The following SLC35F1 variants were observed in gnomAD, a reference collection of about 807,000 sequenced individuals.
SLC35F1 encodes solute carrier family 35 member F1.
A neutral mutation model predicts 48.7 loss-of-function variants in SLC35F1; 14 were observed. The ratio of observed to expected loss-of-function variants is 0.29; its 90% confidence interval spans 0.19 to 0.45. The LOEUF (loss-of-function observed/expected upper bound fraction) is 0.45, where lower values mean the gene tolerates loss of function less well. SLC35F1 is among the 20% of genes least tolerant of loss of function. SLC35F1 has a pLI of 1.00. For missense variants in SLC35F1, 404 were observed against 500.0 expected, an observed-to-expected ratio of 0.81 and a Z score of 1.83; for synonymous variants, 190 against 202.2, an observed-to-expected ratio of 0.94 and a Z score of 0.51.
chr6:118,076,570 C>G (rs554676224), intron 1 of SLC35F1, among the ~76,000 whole-genome samples: 2 of 152,234 alleles, frequency 1.3e-5, no homozygotes, highest in South Asian at 2.1e-4. Context: ...TTCAAACAAC[C>G]AGATCCCATG....
rs575339245 is a variant in SLC35F1, at chr6:118,133,336, T to G, written c.174-21109T>G. ...CTATGAAGGAGCAGAAAACTTGCCT[T>G]GACTGAGAAGCTTTTTCAAAATTAA... On this transcript the variant is annotated intron_variant, in intron 1 of 7. Coordinates refer to ENST00000360388, the MANE Select transcript of SLC35F1 (RefSeq NM_001029858.4). 2.0e-5 allele frequency among the ~76,000 whole-genome samples: 3 copies of G among 152,240 alleles called. No individual in the cohort carries two copies. The East Asian group carries it at 5.8e-4, about 29-fold the overall frequency.
intron 1 of SLC35F1, among the ~76,000 whole-genome samples, chr6:117,990,194 G>A (rs1776899258): frequency 6.6e-6 from 1 of 152,134 alleles, no homozygotes. Context: ...TCATTCCAGT[G>A]TACTTCTGAA....
intron 1 of SLC35F1, among the ~76,000 whole-genome samples, chr6:118,100,845 G>C (rs752066963): frequency 6.6e-6 from 1 of 152,100 alleles, no homozygotes; most frequent in Non-Finnish European, 1.5e-5. Flanking sequence ...TCACATGGTT[G>C]GTCTTTCTGT....
intron 1 of SLC35F1, among the ~76,000 whole-genome samples, chr6:118,080,360 T>G (rs776771277): frequency 6.6e-5 from 10 of 152,198 alleles, no homozygotes; most frequent in Non-Finnish European, 1.5e-4. Flanking sequence ...TGGGATCACA[T>G]TTGGCTTGAT....
intron 1 of SLC35F1, among the ~76,000 whole-genome samples, chr6:117,983,444 G>A (rs1162507670): frequency 6.6e-6 from 1 of 152,142 alleles, no homozygotes; most frequent in Non-Finnish European, 1.5e-5. Flanking sequence ...GGGTGTGGTG[G>A]CAGTTGCCTG....
At chr6:117,973,472 G>T (rs1021589799) in intron 1 of SLC35F1, among the ~76,000 whole-genome samples, 1 of 152,108 alleles carries the variant, frequency 6.6e-6, no homozygotes, top group African/African-American at 2.4e-5. Context: ...TTTCCTGAGA[G>T]CTGGTTTGAT....
intron 1 of SLC35F1, among the ~76,000 whole-genome samples, chr6:118,028,257 T>G (rs766836679): frequency 2.6e-5 from 4 of 152,138 alleles, no homozygotes; most frequent in Non-Finnish European, 5.9e-5. Flanking sequence ...CGCTTTCTCC[T>G]GTGTTCTTCT....
intron 2 of SLC35F1, among the ~76,000 whole-genome samples, chr6:118,161,773 G>A (rs1011834060): frequency 7.9e-5 from 12 of 152,156 alleles, no homozygotes; most frequent in African/African-American, 1.7e-4. Context: ...ATGTTGTCTA[G>A]GAAAAGAGAA....
chr6:118,009,417 C>T (rs9387536), intron 1 of SLC35F1, among the ~76,000 whole-genome samples: 55,101 of 152,018 alleles, frequency 0.36, 10,656 homozygotes, highest in South Asian at 0.51. Flanking sequence ...CAGAATGCCA[C>T]CTGGTCCGGC....
intron 3 of SLC35F1, among the ~76,000 whole-genome samples, chr6:118,255,237 G>T (rs1775627221): frequency 6.6e-6 from 1 of 152,154 alleles, no homozygotes; most frequent in Non-Finnish European, 1.5e-5. Context: ...CTTCAAGAAA[G>T]TTACCTACTA....
intron 1 of SLC35F1, among the ~76,000 whole-genome samples, chr6:118,132,873 CT>C (rs1435353743): frequency 6.6e-6 from 1 of 152,194 alleles, no homozygotes; most frequent in Non-Finnish European, 1.5e-5. Flanking sequence ...CGGGGTATAT[CT>C]GCTGTCTCCT....
At chr6:117,933,726 T>G (rs1776130263) in intron 1 of SLC35F1, among the ~76,000 whole-genome samples, 1 of 152,156 alleles carries the variant, frequency 6.6e-6, no homozygotes, top group Non-Finnish European at 1.5e-5. Context: ...AGGCAGCCAT[T>G]GTAGCAGACA....
chr6:117,949,178 T>G (rs1403179755), intron 1 of SLC35F1, among the ~76,000 whole-genome samples: 1 of 152,186 alleles, frequency 6.6e-6, no homozygotes, highest in East Asian at 1.9e-4. Context: ...TCTTATACTC[T>G]GGGATGTTCC....
At chr6:117,980,790 G>T (rs1230705009) in intron 1 of SLC35F1, among the ~76,000 whole-genome samples, 2 of 152,008 alleles carry the variant, frequency 1.3e-5, no homozygotes, top group African/African-American at 4.8e-5. Flanking sequence ...TTCAAAGGAG[G>T]TGACATCTGA....
At chr6:117,930,447 G>A (rs919178155) in intron 1 of SLC35F1, among the ~76,000 whole-genome samples, 3 of 152,074 alleles carry the variant, frequency 2.0e-5, no homozygotes, top group Admixed American at 6.6e-5. Flanking sequence ...CCTGTTTTTA[G>A]GGCTTGAAAG....
intron 1 of SLC35F1, among the ~76,000 whole-genome samples, chr6:117,944,692 C>G (rs1282649161): frequency 1.3e-5 from 2 of 151,612 alleles, no homozygotes; most frequent in Non-Finnish European, 2.9e-5. Context: ...TACTACCATC[C>G]CTATGGATGC....
chr6:118,276,187 T>A (rs1418706327), intron 5 of SLC35F1, among the ~76,000 whole-genome samples: 2 of 152,214 alleles, frequency 1.3e-5, no homozygotes, highest in Non-Finnish European at 2.9e-5. Flanking sequence ...TTTGCAATAA[T>A]TCTACAACTG....
chr6:117,961,758 G>A (rs1235950658), intron 1 of SLC35F1, among the ~76,000 whole-genome samples: 1 of 152,164 alleles, frequency 6.6e-6, no homozygotes. Context: ...TGTGAAAGGA[G>A]AGATTTATTT....
At chr6:118,160,423 G>C (rs1774213016) in intron 2 of SLC35F1, among the ~76,000 whole-genome samples, 1 of 152,166 alleles carries the variant, frequency 6.6e-6, no homozygotes, top group Non-Finnish European at 1.5e-5. Flanking sequence ...ATTGAATCAT[G>C]TATCTGTTTC....
Sources: gnomAD v4.1 joint callset for allele counts (sites outside exome capture counted in the v4.1 genomes callset) on GRCh38, gnomAD v4.1.1 for gene constraint, MANE v1.5 for transcripts, NCBI Gene and HGNC (gene_info 2026-07-23, HGNC 2026-07-21) for gene names.